Variants in GNAQ observed in about 807,000 individuals in gnomAD.
The protein encoded by GNAQ is guanine nucleotide-binding protein G(q) subunit alpha.
GNAQ carries 8 observed loss-of-function variants against 43.9 expected under a neutral mutation model. The ratio of observed to expected loss-of-function variants is 0.18; its 90% CI spans 0.11 to 0.33. The LOEUF is 0.33. GNAQ is among the 10% of genes least tolerant of loss of function. The pLI is 1.00. For missense variants in GNAQ, 158 were observed against 450.8 expected (o/e 0.35, Z 5.88); for synonymous variants, 155 against 170.7 (o/e 0.91, Z 0.71).
chr9:77,745,130 A>C (rs917450215), intron 5 of GNAQ, among the ~76,000 whole-genome samples: 1 of 152,212 alleles, frequency 6.6e-6, no homozygotes, highest in Admixed American at 6.5e-5. Flanking sequence ...GAACTGGTTC[A>C]GTTCTGCGAG....
intron 3 of GNAQ, among the ~76,000 whole-genome samples, chr9:77,810,295 G>A (rs1366206596): frequency 1.3e-5 from 2 of 150,652 alleles, no homozygotes; most frequent in Admixed American, 1.3e-4. Flanking sequence ...CCTGTGTGAG[G>A]CTGTATTTCA....
chr9:77,827,600 AC>A (rs1207120905), intron 2 of GNAQ, among the ~76,000 whole-genome samples: 2 of 151,964 alleles, frequency 1.3e-5, no homozygotes, highest in African/African-American at 4.8e-5. Flanking sequence ...CTATACAGAA[AC>A]TGCCTTTCAG....
intron 5 of GNAQ, among the ~76,000 whole-genome samples, chr9:77,756,509 G>T (rs1423930946): frequency 6.6e-6 from 1 of 152,194 alleles, no homozygotes; most frequent in African/African-American, 2.4e-5. Context: ...TTATAGGTGG[G>T]CAGGTTAGTA....
intron 3 of GNAQ, among the ~76,000 whole-genome samples, chr9:77,814,421 G>C (rs1479562027): frequency 6.6e-6 from 1 of 152,128 alleles, no homozygotes; most frequent in African/African-American, 2.4e-5. Flanking sequence ...ACACAAGGGG[G>C]TTAATGCTAG....
intron 2 of GNAQ, among the ~76,000 whole-genome samples, chr9:77,869,466 A>G (rs554590743): frequency 7.9e-5 from 12 of 152,358 alleles, no homozygotes; most frequent in Middle Eastern, 3.4e-3. Flanking sequence ...TAATCAGCTT[A>G]TGCAGAATTT....
At chr9:77,837,926 G>A (rs535405503) in intron 2 of GNAQ, among the ~76,000 whole-genome samples, 9 of 142,792 alleles carry the variant, frequency 6.3e-5, no homozygotes, top group East Asian at 4.1e-4. Context: ...TCGGCTCACT[G>A]CAACCACTGC....
At chr9:77,766,643 T>C (rs1167708673) in intron 5 of GNAQ, among the ~76,000 whole-genome samples, 1 of 150,572 alleles carries the variant, frequency 6.6e-6, no homozygotes, top group Non-Finnish European at 1.5e-5. Flanking sequence ...GTGGTGGGGG[T>C]GTAGGGTGGG....
At chr9:77,860,064 G>A (rs946122529) in intron 2 of GNAQ, among the ~76,000 whole-genome samples, 4 of 152,130 alleles carry the variant, frequency 2.6e-5, no homozygotes, top group African/African-American at 9.7e-5. Flanking sequence ...TTTCAAAGGC[G>A]TCTAACGTCT....
chr9:77,976,243 G>A (rs544610563), intron 1 of GNAQ, among the ~76,000 whole-genome samples: 51 of 152,298 alleles, frequency 3.3e-4, no homozygotes, highest in African/African-American at 1.2e-3. Context: ...AAAGTGCCCA[G>A]TAAATGTTCA....
intron 1 of GNAQ, among the ~76,000 whole-genome samples, chr9:78,011,470 G>C (rs944373743): frequency 1.3e-5 from 2 of 152,038 alleles, no homozygotes; most frequent in African/African-American, 2.4e-5. Flanking sequence ...GTTTACTCTA[G>C]AAAACAGAAG....
intron 5 of GNAQ, among the ~76,000 whole-genome samples, chr9:77,784,824 AAT>A (rs1335015227): frequency 6.6e-6 from 1 of 152,228 alleles, no homozygotes; most frequent in African/African-American, 2.4e-5. Context: ...GCACTTCAAA[AAT>A]ATTTCCCATG....
rs562583741 is a variant in GNAQ, at chr9:77,812,022, C to T, written c.476+3594G>A. 5.9e-5 allele frequency among the ~76,000 whole-genome samples: 9 copies of T among 152,280 alleles called. No individual in the cohort carries two copies. In the South Asian group the frequency reaches 1.0e-3, roughly 18 times the overall value. On this transcript the variant is annotated intron_variant, in intron 3 of 6. Transcript: ENST00000286548. ...CAGGTCCCTGCCTGTCCTGGAGAGT[C>T]GCTGTTTCACCATAATTATTAATAC...
intron 2 of GNAQ, among the ~76,000 whole-genome samples, chr9:77,850,396 C>T (rs1015989839): frequency 6.6e-6 from 1 of 152,180 alleles, no homozygotes; most frequent in African/African-American, 2.4e-5. Flanking sequence ...ACACCTCCAC[C>T]TCTACTGCCC....
chr9:77,943,135 T>C (rs1198465645), intron 1 of GNAQ, among the ~76,000 whole-genome samples: 1 of 152,226 alleles, frequency 6.6e-6, no homozygotes. Flanking sequence ...ATGTTGGGCA[T>C]TGCAGAACCC....
intron 2 of GNAQ, among the ~76,000 whole-genome samples, chr9:77,821,761 G>A (rs1827119838): frequency 1.3e-5 from 2 of 150,674 alleles, no homozygotes; most frequent in Non-Finnish European, 3.0e-5. Flanking sequence ...GTGTGTGTAT[G>A]TATGTATGCA....
At chr9:77,899,739 A>C (rs995649618) in intron 2 of GNAQ, among the ~76,000 whole-genome samples, 2 of 152,116 alleles carry the variant, frequency 1.3e-5, no homozygotes, top group Non-Finnish European at 2.9e-5. Context: ...AGACCATCTG[A>C]CTGGACCTCA....
chr9:77,909,974 T>C (rs544599431), intron 2 of GNAQ, among the ~76,000 whole-genome samples: 7 of 152,288 alleles, frequency 4.6e-5, no homozygotes, highest in Middle Eastern at 3.4e-3. Flanking sequence ...TACATGCTTG[T>C]ACTAATGAAA....
At chr9:77,817,230 A>C (rs1477268229) in intron 2 of GNAQ, among the ~76,000 whole-genome samples, 1 of 152,100 alleles carries the variant, frequency 6.6e-6, no homozygotes, top group Non-Finnish European at 1.5e-5. Context: ...TCCTCAATGA[A>C]TCCCCACTGC....
intron 5 of GNAQ, among the ~76,000 whole-genome samples, chr9:77,757,574 T>C (rs1825924215): frequency 6.6e-6 from 1 of 152,194 alleles, no homozygotes; most frequent in Non-Finnish European, 1.5e-5. Context: ...AGGTCTCCAA[T>C]TCGTGCCAAC....
Sources: gnomAD v4.1 joint callset for allele counts (sites outside exome capture counted in the v4.1 genomes callset) on GRCh38, gnomAD v4.1.1 for gene constraint, MANE v1.5 for transcripts, NCBI Gene and HGNC (gene_info 2026-07-23, HGNC 2026-07-21) for gene names.